The following CSMD1 variants were observed in gnomAD, a reference collection of about 807,000 sequenced individuals.
CSMD1 encodes the protein CUB and Sushi multiple domains 1.
A neutral mutation model predicts 417.5 loss-of-function variants in CSMD1; 213 were observed. The observed-to-expected ratio is 0.51, with a 90% CI of 0.46 to 0.57. CSMD1 has a LOEUF of 0.57. Ranked by LOEUF, CSMD1 falls within the 20% of genes least tolerant of loss-of-function variation. The probability of loss-of-function intolerance (pLI) is 0.00; values close to 1 mark genes in which losing one functional copy is unlikely to be tolerated. For synonymous variants in CSMD1, 2,862 were observed against 1,736.8 expected, an observed-to-expected ratio of 1.65 and a Z score of -16.11; for missense variants, 6,923 against 4,529.7, an observed-to-expected ratio of 1.53 and a Z score of -15.17.
intron 5 of CSMD1, among the ~76,000 whole-genome samples, chr8:3,956,078 T>C (rs116334476): frequency 0.016 from 2,439 of 152,314 alleles, 53 homozygotes; most frequent in African/African-American, 0.054. Flanking sequence ...TATTTGGCAT[T>C]AGCCACCGTG....
chr8:4,861,001 A>G (rs755822588), intron 1 of CSMD1, among the ~76,000 whole-genome samples: 2 of 152,048 alleles, frequency 1.3e-5, no homozygotes, highest in East Asian at 1.9e-4. Flanking sequence ...TCTCACTACT[A>G]TTGTAATACA....
intron 7 of CSMD1, among the ~76,000 whole-genome samples, chr8:3,647,016 G>T (rs566298665): frequency 1.3e-5 from 2 of 152,304 alleles, no homozygotes; most frequent in East Asian, 3.9e-4. Flanking sequence ...CATCTCAGCA[G>T]CTCTTTCCTG....
At chr8:3,993,301 G>A (rs530127107) in intron 5 of CSMD1, among the ~76,000 whole-genome samples, 10 of 152,162 alleles carry the variant, frequency 6.6e-5, no homozygotes, top group Admixed American at 2.0e-4. Flanking sequence ...TTTGGGGCAC[G>A]TGAGAGAAGG....
chr8:4,043,896 G>C (rs1395266180), intron 3 of CSMD1, among the ~76,000 whole-genome samples: 1 of 152,062 alleles, frequency 6.6e-6, no homozygotes, highest in Non-Finnish European at 1.5e-5. Flanking sequence ...AGATAACACA[G>C]ATAAACCTGA....
rs376790092 is a variant in CSMD1 at position 3,812,759 on chromosome 8, T to C, written c.819-58717A>G. On this transcript the variant is annotated intron_variant, in intron 5 of 69. Transcript: ENST00000635120. Reference sequence around the variant, plus strand: ...ACATCTCCCCAAGTCTTGCCTATTTTAATTAACCAAGGGTCAATGTATAGT... The same window carrying C: ...ACATCTCCCCAAGTCTTGCCTATTTCAATTAACCAAGGGTCAATGTATAGT... 3.2e-3 allele frequency among the ~76,000 whole-genome samples: 491 copies of C among 152,308 alleles called. 2 individuals carry two copies. Among genetic ancestry groups the C allele is most frequent in the East Asian group, 0.018 (94 of 5,180 alleles).
chr8:3,256,036 A>T (rs1263353657), intron 26 of CSMD1, among the ~76,000 whole-genome samples: 1 of 152,148 alleles, frequency 6.6e-6, no homozygotes, highest in African/African-American at 2.4e-5. Flanking sequence ...TTTATAGAAG[A>T]CAATGACTGA....
intron 3 of CSMD1, among the ~76,000 whole-genome samples, chr8:4,269,830 C>A (rs1804462246): frequency 6.6e-6 from 1 of 152,116 alleles, no homozygotes; most frequent in African/African-American, 2.4e-5. Flanking sequence ...ACAAGTAGTG[C>A]CAATCTATCC....
intron 50 of CSMD1, among the ~76,000 whole-genome samples, chr8:3,031,731 G>T (rs1452626376): frequency 6.6e-6 from 1 of 151,916 alleles, no homozygotes; most frequent in Non-Finnish European, 1.5e-5. Context: ...AACGGAATCA[G>T]ACAATTTTTT....
intron 12 of CSMD1, among the ~76,000 whole-genome samples, chr8:3,431,702 T>G (rs1250878565): frequency 2.0e-5 from 3 of 152,224 alleles, no homozygotes; most frequent in Non-Finnish European, 4.4e-5. Flanking sequence ...TTGCTAAAAT[T>G]AAGAGGAAAC....
chr8:4,363,410 G>C (rs1209269408), intron 3 of CSMD1, among the ~76,000 whole-genome samples: 1 of 152,158 alleles, frequency 6.6e-6, no homozygotes, highest in Non-Finnish European at 1.5e-5. Flanking sequence ...AAATGTTCTG[G>C]CCTCCAGGAT....
At chr8:3,985,733 G>C (rs976260324) in intron 5 of CSMD1, among the ~76,000 whole-genome samples, 3 of 148,120 alleles carry the variant, frequency 2.0e-5, no homozygotes, top group Non-Finnish European at 4.4e-5. Context: ...GATTAAAAAG[G>C]CTGCCTTTAA....
chr8:3,439,144 AAAAAAAAACC>A lies in CSMD1; in HGVS notation c.1562-29549_1562-29540del, dbSNP rs1316361879. 4.8e-3 allele frequency among the ~76,000 whole-genome samples: 628 copies of A among 130,916 alleles called. 51 individuals are homozygous for A. Among genetic ancestry groups the A allele is most frequent in the African/African-American group, 0.019 (600 of 31,490 alleles). 85.9% of individuals were successfully genotyped at this position (130,916 alleles called of 152,430 possible). On this transcript the variant is annotated intron_variant, in intron 12 of 69. Transcript: ENST00000635120. ...TCTCAAAAAAAAAAAAAAAAAAAAA[AAAAAAAAACC>A]AAGAAAAAAAAAAGAAAAAGAAAAA...
chr8:4,321,251 G>A (rs1427263003), intron 3 of CSMD1, among the ~76,000 whole-genome samples: 1 of 152,036 alleles, frequency 6.6e-6, no homozygotes, highest in Admixed American at 6.6e-5. Flanking sequence ...TAGTCCCTGT[G>A]GCCCACTGAT....
chr8:3,487,181 G>C (rs1054270302), intron 11 of CSMD1, among the ~76,000 whole-genome samples: 4 of 147,358 alleles, frequency 2.7e-5, no homozygotes, highest in African/African-American at 1.0e-4. Context: ...AACAGTGATT[G>C]ATGTATTATC....
intron 5 of CSMD1, among the ~76,000 whole-genome samples, chr8:3,820,650 A>G (rs771300268): frequency 1.3e-5 from 2 of 152,220 alleles, no homozygotes; most frequent in Non-Finnish European, 2.9e-5. Context: ...ATCTCGGCTC[A>G]GTGCAAACTC....
rs373308011 is a variant in CSMD1 at position 3,586,176 on chromosome 8, C to G, written c.1182G>C (p.Glu394Asp). 5.3e-5 allele frequency: 85 copies of G among 1,612,510 alleles called. No homozygotes were observed. Among genetic ancestry groups the G allele is most frequent in the Non-Finnish European group, 6.9e-5 (81 of 1,179,390 alleles). The change falls in exon 9 of 70, where the codon GAG becomes GAC. Residue 394 changes from glutamate to aspartate, a missense_variant. Coordinates refer to ENST00000635120, the MANE Select transcript of CSMD1 (RefSeq NM_033225.6). ...TGTGGTCACTCCAAGCAGCGAGCGT[C>G]TCTGTAACTCTCTGACAGGTGATGC... is the stretch of plus-strand genomic sequence containing the variant. The part of the protein sequence containing the change: ...SKSITCQRVT[E>D]TLAAWSDHRP...
intron 12 of CSMD1, among the ~76,000 whole-genome samples, chr8:3,452,865 T>G (rs1815841189): frequency 2.0e-5 from 3 of 152,242 alleles, no homozygotes; most frequent in Admixed American, 6.5e-5. Context: ...TCTTTTTCTA[T>G]TGATTGGAAT....
chr8:4,740,041 C>T (rs1448517452), intron 1 of CSMD1, among the ~76,000 whole-genome samples: 1 of 152,002 alleles, frequency 6.6e-6, no homozygotes, highest in Non-Finnish European at 1.5e-5. Flanking sequence ...AGAGGAATGC[C>T]ACAGCTCTGG....
At chr8:3,797,563 A>G (rs1371843802) in intron 5 of CSMD1, among the ~76,000 whole-genome samples, 2 of 151,924 alleles carry the variant, frequency 1.3e-5, no homozygotes, top group Non-Finnish European at 2.9e-5. Context: ...GTCTCACAAT[A>G]TAATATTTTC....
Sources: gnomAD v4.1 joint callset for allele counts (sites outside exome capture counted in the v4.1 genomes callset) on GRCh38, gnomAD v4.1.1 for gene constraint, MANE v1.5 for transcripts, NCBI Gene and HGNC (gene_info 2026-07-23, HGNC 2026-07-21) for gene names.